The following HECW1 variants were observed in gnomAD, a reference collection of about 807,000 sequenced individuals.
HECW1 encodes the protein HECT, C2 and WW domain containing E3 ubiquitin protein ligase 1.
HECW1 carries 61 observed loss-of-function variants against 182.3 expected under a neutral mutation model. The ratio of observed to expected loss-of-function variants is 0.33; its 90% confidence interval spans 0.27 to 0.41. HECW1 has a LOEUF of 0.41. Ranked by LOEUF, HECW1 falls within the 10% of genes least tolerant of loss-of-function variation. The pLI, the probability that HECW1 is intolerant of heterozygous loss-of-function variation, is 1.00. For synonymous variants in HECW1, 859 were observed against 832.6 expected (o/e 1.03, Z -0.55); for missense variants, 1,739 against 2,108.9 (o/e 0.82, Z 3.44).
intron 2 of HECW1, among the ~76,000 whole-genome samples, chr7:43,185,927 AC>A (rs1230291458): frequency 6.6e-6 from 1 of 152,192 alleles, no homozygotes; most frequent in African/African-American, 2.4e-5. Context: ...ATCTTCTCTC[AC>A]AAGGCAGTGT....
At chr7:43,114,100 C>T (rs965785606) in intron 1 of HECW1, 57 bp from the exon 2 acceptor site, 1 of 523,612 alleles carries the variant, frequency 1.9e-6, no homozygotes, top group South Asian at 2.1e-5. Context: ...GCTTACTTCT[C>T]TTGGAATCTG....
chr7:43,420,164 TTA>T (rs2076134845), intron 8 of HECW1, among the ~76,000 whole-genome samples: 1 of 152,242 alleles, frequency 6.6e-6, no homozygotes, highest in South Asian at 2.1e-4. Context: ...ATTGATTTCT[TTA>T]TTACGGCTAG....
At chr7:43,480,790 C>A (rs898420734) in intron 17 of HECW1, among the ~76,000 whole-genome samples, 1 of 152,034 alleles carries the variant, frequency 6.6e-6, no homozygotes, top group Admixed American at 6.5e-5. Flanking sequence ...CAGGGAGTTT[C>A]TCTCCAGAGA....
At chr7:43,302,313 G>A (rs560711825) in intron 3 of HECW1, among the ~76,000 whole-genome samples, 1 of 152,342 alleles carries the variant, frequency 6.6e-6, no homozygotes, top group African/African-American at 2.4e-5. Flanking sequence ...TTGGGGCCCT[G>A]CTGCTCCCCT....
intron 3 of HECW1, among the ~76,000 whole-genome samples, chr7:43,307,899 CAT>C (rs1311991541): frequency 0.23 from 28,736 of 123,962 alleles, 3,506 homozygotes; most frequent in East Asian, 0.51. Context: ...TATATATACA[CAT>C]ATATATATAT....
At chr7:43,545,951 C>T (rs1190535273) in intron 26 of HECW1, among the ~76,000 whole-genome samples, 3 of 152,014 alleles carry the variant, frequency 2.0e-5, no homozygotes, top group African/African-American at 7.2e-5. Context: ...CAATCCTTTG[C>T]TTTAGTTTCA....
At chr7:43,365,508 G>A (rs955675255) in intron 6 of HECW1, among the ~76,000 whole-genome samples, 2 of 152,220 alleles carry the variant, frequency 1.3e-5, no homozygotes, top group Non-Finnish European at 2.9e-5. Context: ...AGATTTAGAG[G>A]CTGGGTCATG....
intron 6 of HECW1, among the ~76,000 whole-genome samples, chr7:43,363,387 C>G (rs911161458): frequency 4.6e-5 from 7 of 152,234 alleles, no homozygotes; most frequent in Admixed American, 4.6e-4. Flanking sequence ...TCCACATGAG[C>G]TGCTGCTGCT....
At chr7:43,291,617 T>G (rs1023877905) in intron 3 of HECW1, among the ~76,000 whole-genome samples, 6 of 152,242 alleles carry the variant, frequency 3.9e-5, no homozygotes, top group African/African-American at 1.4e-4. Context: ...GAAACTACTA[T>G]TTCTAACACT....
intron 2 of HECW1, among the ~76,000 whole-genome samples, chr7:43,172,276 A>G (rs1023523926): frequency 2.0e-5 from 3 of 152,064 alleles, no homozygotes; most frequent in African/African-American, 7.2e-5. Flanking sequence ...CCTGGTGGAC[A>G]GGGTGAGACT....
intron 2 of HECW1, among the ~76,000 whole-genome samples, chr7:43,237,689 C>T (rs1798501391): frequency 6.6e-6 from 1 of 152,194 alleles, no homozygotes; most frequent in African/African-American, 2.4e-5. Flanking sequence ...ATGTGGGAGA[C>T]AGTCAATGCA....
intron 2 of HECW1, among the ~76,000 whole-genome samples, chr7:43,147,183 A>T (rs1788812442): frequency 6.6e-6 from 1 of 152,216 alleles, no homozygotes; most frequent in Non-Finnish European, 1.5e-5. Flanking sequence ...TAAATATTTT[A>T]ATGTGCCTAT....
intron 2 of HECW1, among the ~76,000 whole-genome samples, chr7:43,147,245 G>GTTTT (rs10660691): frequency 1.3e-5 from 2 of 150,920 alleles, no homozygotes; most frequent in African/African-American, 4.9e-5. Flanking sequence ...ATGTAGTTTT[G>GTTTT]TTTTTTTTTA....
chr7:43,235,524 G>A (rs934320641), intron 2 of HECW1, among the ~76,000 whole-genome samples: 2 of 152,140 alleles, frequency 1.3e-5, no homozygotes, highest in Admixed American at 1.3e-4. Context: ...CTACCAAGCA[G>A]CCAGGACTTT....
At chr7:43,221,919 C>T (rs1004034916) in intron 2 of HECW1, among the ~76,000 whole-genome samples, 5 of 152,036 alleles carry the variant, frequency 3.3e-5, no homozygotes, top group African/African-American at 1.2e-4. Context: ...GTTGCAGAGA[C>T]GATTATGAGA....
chr7:43,508,923 C>T, intron 23 of HECW1, 46 bp from the exon 24 acceptor site: 1 of 1,601,870 alleles, frequency 6.2e-7, no homozygotes, highest in Non-Finnish European at 8.5e-7. Flanking sequence ...GGTCCCCCCA[C>T]CTCCGGGCAC....
chr7:43,491,679 A>G (rs991999408), intron 17 of HECW1, among the ~76,000 whole-genome samples: 11 of 151,744 alleles, frequency 7.2e-5, no homozygotes. Flanking sequence ...AGCAACCCCT[A>G]CCTCCCAGGT....
intron 3 of HECW1, among the ~76,000 whole-genome samples, chr7:43,254,119 G>A (rs17723390): frequency 0.032 from 4,942 of 152,244 alleles, 142 homozygotes; most frequent in East Asian, 0.16. Flanking sequence ...GGCAAATCTT[G>A]ATTGACTGGT....
chr7:43,113,368 T>A (rs1275911603), intron 1 of HECW1, among the ~76,000 whole-genome samples: 1 of 152,160 alleles, frequency 6.6e-6, no homozygotes, highest in African/African-American at 2.4e-5. Context: ...CGCTTCGCCT[T>A]GGGCTCGCTT....
Sources: gnomAD v4.1 joint callset for allele counts (sites outside exome capture counted in the v4.1 genomes callset) on GRCh38, gnomAD v4.1.1 for gene constraint, MANE v1.5 for transcripts, NCBI Gene and HGNC (gene_info 2026-07-23, HGNC 2026-07-21) for gene names.